Variants in ACACA observed in about 807,000 individuals in gnomAD.
ACACA encodes acetyl-CoA carboxylase 1.
A neutral mutation model predicts 296.1 loss-of-function variants in ACACA; 103 were observed. The observed-to-expected ratio is 0.35, with a 90% confidence interval of 0.30 to 0.41. ACACA has a LOEUF of 0.41. Among genes scored for constraint, ACACA ranks in the 10% least tolerant of loss-of-function variants. The probability of loss-of-function intolerance (pLI) is 1.00; values close to 1 mark genes in which losing one functional copy is unlikely to be tolerated. For missense variants in ACACA, 1,554 were observed against 2,989.7 expected (o/e 0.52, Z 11.20); for synonymous variants, 953 against 1,038.6 (o/e 0.92, Z 1.58).
chr17:37,179,753 T>C (rs2077250108), intron 40 of ACACA, among the ~76,000 whole-genome samples: 1 of 152,092 alleles, frequency 6.6e-6, no homozygotes, highest in South Asian at 2.1e-4. Context: ...AGGAAAATCC[T>C]AAAGAAACTT....
At chr17:37,125,285 T>A (rs1303492498) in intron 48 of ACACA, among the ~76,000 whole-genome samples, 1 of 152,104 alleles carries the variant, frequency 6.6e-6, no homozygotes, top group East Asian at 1.9e-4. Context: ...ACTTAAATAA[T>A]CTCGGTGCCA....
intron 24 of ACACA, among the ~76,000 whole-genome samples, chr17:37,237,744 C>T (rs1370720747): frequency 6.7e-6 from 1 of 149,124 alleles, no homozygotes; most frequent in East Asian, 2.0e-4. Context: ...TATCTTCTCA[C>T]ACTTTGTAGC....
chr17:37,206,583 T>C (rs2078510990), intron 32 of ACACA, among the ~76,000 whole-genome samples, 200 bp downstream of exon 32: 1 of 152,144 alleles, frequency 6.6e-6, no homozygotes, highest in Non-Finnish European at 1.5e-5. Context: ...ACTCCAAAAT[T>C]AATATAGTTT....
At chr17:37,251,873 A>G (rs919576356) in intron 16 of ACACA, 132 bp downstream of exon 16, 2 of 863,936 alleles carry the variant, frequency 2.3e-6, no homozygotes, top group African/African-American at 1.7e-5. Flanking sequence ...TCTTGCCACC[A>G]TGGTCCATGA....
At chr17:37,231,280 A>T (rs2079849029) in intron 25 of ACACA, among the ~76,000 whole-genome samples, 1 of 152,164 alleles carries the variant, frequency 6.6e-6, no homozygotes, top group Admixed American at 6.5e-5. Flanking sequence ...AAACCAACAT[A>T]GTCCAACTTG....
At chr17:37,160,838 G>C (rs1007663997) in intron 42 of ACACA, among the ~76,000 whole-genome samples, 7 of 152,116 alleles carry the variant, frequency 4.6e-5, no homozygotes, top group African/African-American at 1.7e-4. Flanking sequence ...AAAGGTGGGA[G>C]GATAAACAGG....
At chr17:37,374,153 G>A (rs1186565679) in intron 1 of ACACA, among the ~76,000 whole-genome samples, 3 of 152,148 alleles carry the variant, frequency 2.0e-5, no homozygotes, top group Non-Finnish European at 2.9e-5. Flanking sequence ...GAGCTCAGGA[G>A]TTTGAGACCA....
intron 29 of ACACA, among the ~76,000 whole-genome samples, chr17:37,212,560 A>C (rs1286201658): frequency 6.6e-6 from 1 of 152,236 alleles, no homozygotes. Flanking sequence ...TAAGGGAGAT[A>C]AGCAAGGAAG....
In ACACA at chr17:37,277,020, C is replaced by T. The variant is rs570364160; in HGVS notation, c.802+13G>A. ...AGAAACAGAAAGACGGACAATATGT[C>T]AGAACAGCTTACCCATGAAGGCAAT... On this transcript the variant is annotated intron_variant, in intron 7 of 55. Coordinates refer to ENST00000616317, the MANE Select transcript of ACACA (RefSeq NM_198834.3). 1.9e-6 allele frequency: 3 copies of T among 1,609,386 alleles called. No individual in the cohort carries two copies. Among genetic ancestry groups the T allele is most frequent in the African/African-American group, 2.7e-5 (2 of 74,890 alleles).
At chr17:37,105,869 A>C (rs1176834176) in intron 52 of ACACA, among the ~76,000 whole-genome samples, 1 of 151,450 alleles carries the variant, frequency 6.6e-6, no homozygotes, top group Non-Finnish European at 1.5e-5. Flanking sequence ...TGTCTCAAAA[A>C]AAAAAAAAAA....
In ACACA at chr17:37,240,552, G is replaced by C. The variant is rs1247300453; in HGVS notation, c.3045C>G (p.Gly1015=). Residue 1015 remains glycine (G), a synonymous_variant, in exon 24 of 56, where the codon GGC becomes GGG. Transcript: ENST00000616317. ...IVQLVQRYRS[G]IRGHMKAVVM... is the part of the protein sequence containing the mutation. ...CCACAGCCTTCATGTGGCCTCGGAT[G>C]CCACTTCGGTACCTAGGCAAATAGA... The C allele has an allele frequency of 6.2e-7, 1 of 1,612,678 alleles. No individual in the cohort carries two copies. The highest frequency in any genetic ancestry group is 8.5e-7 in the Non-Finnish European group (1 of 1,179,824).
At chr17:37,189,241 T>C (rs1245715426) in intron 38 of ACACA, among the ~76,000 whole-genome samples, 2 of 152,236 alleles carry the variant, frequency 1.3e-5, no homozygotes, top group Non-Finnish European at 2.9e-5. Flanking sequence ...TTCCCCAACA[T>C]GGCTGCACAG....
At chr17:37,116,268 G>A (rs1409606389) in intron 50 of ACACA, among the ~76,000 whole-genome samples, 1 of 152,208 alleles carries the variant, frequency 6.6e-6, no homozygotes, top group African/African-American at 2.4e-5. Flanking sequence ...GATTACAGGT[G>A]TAAGCCTCTG....
chr17:37,292,003 C>A (rs565657290), intron 3 of ACACA, among the ~76,000 whole-genome samples: 1 of 150,604 alleles, frequency 6.6e-6, no homozygotes, highest in Non-Finnish European at 1.5e-5. Context: ...TTTAACTTTG[C>A]ACAAAACATA....
At chr17:37,131,696 A>T (rs539584236) in intron 45 of ACACA, among the ~76,000 whole-genome samples, 5 of 152,176 alleles carry the variant, frequency 3.3e-5, no homozygotes, top group African/African-American at 7.2e-5. Context: ...CCAAAGATGG[A>T]GGAAGTTGGT....
At chr17:37,252,817 G>T in intron 15 of ACACA, 69 bp downstream of exon 15, 1 of 1,584,046 alleles carries the variant, frequency 6.3e-7, no homozygotes. Flanking sequence ...ATTTCATGTA[G>T]TGACAGGGAT....
rs945896459 is a variant in ACACA, at chr17:37,231,042, G to A, written c.3246+3933C>T. Among the ~76,000 whole-genome samples the A allele has an allele frequency of 1.2e-4, 19 of 152,108 alleles. 1 individual carries two copies. The highest frequency in any genetic ancestry group is 3.1e-4 in the African/African-American group (13 of 41,404). ...GGTAGCTAACTATAGGAAATAGTTCGAATTTGCAGAAATACAACAAACATG... is the reference window on the plus strand; with the variant it reads ...GGTAGCTAACTATAGGAAATAGTTCAAATTTGCAGAAATACAACAAACATG... On this transcript the variant is annotated intron_variant, in intron 25 of 55. Coordinates refer to ENST00000616317, the MANE Select transcript of ACACA (RefSeq NM_198834.3).
At chr17:37,383,830 C>T (rs909052806) in intron 1 of ACACA, among the ~76,000 whole-genome samples, 1 of 152,144 alleles carries the variant, frequency 6.6e-6, no homozygotes, top group Non-Finnish European at 1.5e-5. Flanking sequence ...CGATTATAGG[C>T]GTGAGCCACC....
intron 41 of ACACA, among the ~76,000 whole-genome samples, chr17:37,174,012 A>AT (rs1339330288): frequency 9.6e-4 from 12 of 12,466 alleles, no homozygotes; most frequent in East Asian, 4.6e-3. Flanking sequence ...ATATATATAT[A>AT]TATATATATT....
Sources: allele counts gnomAD v4.1 joint callset (sites outside exome capture counted in the v4.1 genomes callset), GRCh38; gene constraint gnomAD v4.1.1; transcripts MANE v1.5; gene names NCBI Gene and HGNC (gene_info 2026-07-23, HGNC 2026-07-21).